TRA2A: variants seen among roughly 807,000 people sequenced by gnomAD.
TRA2A encodes transformer-2 protein homolog alpha.
Under a neutral mutation model 45.7 loss-of-function variants are expected in TRA2A, and 31 were observed. That is an observed-to-expected ratio of 0.68 (90% CI 0.51 to 0.92). The LOEUF (loss-of-function observed/expected upper bound fraction) is 0.92. Ranked by LOEUF, TRA2A falls within the 40% of genes least tolerant of loss-of-function variation. The probability of loss-of-function intolerance (pLI) is 0.00; values close to 1 mark genes in which losing one functional copy is unlikely to be tolerated. For missense variants in TRA2A, 304 were observed against 367.5 expected, an observed-to-expected ratio of 0.83 and a Z score of 1.41; for synonymous variants, 132 against 126.2, an observed-to-expected ratio of 1.05 and a Z score of -0.31.
intron 1 of TRA2A, 69 bp downstream of exon 1, chr7:23,531,720 C>T: frequency 1.3e-6 from 2 of 1,583,670 alleles, no homozygotes; most frequent in Non-Finnish European, 1.7e-6. Flanking sequence ...CCCGCCCGAC[C>T]GCGCTTGTTC....
intron 4 of TRA2A, among the ~76,000 whole-genome samples, chr7:23,512,144 T>C (rs1789652199): frequency 6.6e-6 from 1 of 152,134 alleles, no homozygotes; most frequent in Admixed American, 6.6e-5. Flanking sequence ...CCAAAAAAAG[T>C]GAAACTGTAG....
intron 1 of TRA2A, among the ~76,000 whole-genome samples, chr7:23,526,191 A>T (rs972444609): frequency 6.6e-6 from 1 of 152,222 alleles, no homozygotes; most frequent in Non-Finnish European, 1.5e-5. Flanking sequence ...CAGTCTTTTA[A>T]TATAGCCTGT....
At chr7:23,506,333 T>A (rs371001619) in intron 5 of TRA2A, 67 bp from the exon 6 acceptor site, 10 of 1,417,636 alleles carry the variant, frequency 7.1e-6, no homozygotes, top group African/African-American at 1.4e-5. Context: ...TTAATACAAA[T>A]TGAATGGCTT....
At chr7:23,530,352 G>C (rs1162895024) in intron 1 of TRA2A, among the ~76,000 whole-genome samples, 1 of 152,104 alleles carries the variant, frequency 6.6e-6, no homozygotes, top group Non-Finnish European at 1.5e-5. Context: ...AACTATTATA[G>C]TCTATTGCTT....
chr7:23,518,879 G>A (rs1790007889), intron 2 of TRA2A, among the ~76,000 whole-genome samples: 1 of 151,534 alleles, frequency 6.6e-6, no homozygotes. Context: ...TAGAGACGGG[G>A]TCTCAACATG....
chr7:23,507,204 G>A, intron 5 of TRA2A: 2 of 511,962 alleles, frequency 3.9e-6, no homozygotes, highest in Non-Finnish European at 6.9e-6. Flanking sequence ...AAGTTCAAGT[G>A]ATTCCTGTGC....
At chr7:23,514,697 G>A (rs2127994499) in intron 3 of TRA2A, among the ~76,000 whole-genome samples, 1 of 152,084 alleles carries the variant, frequency 6.6e-6, no homozygotes, top group East Asian at 1.9e-4. Flanking sequence ...TTGGGCTCAG[G>A]GAATCCTCCC....
At chr7:23,517,503 A>AAAAGAAAAAAAAAAAAAAAG in intron 2 of TRA2A, among the ~76,000 whole-genome samples, 1 of 116,206 alleles carries the variant, frequency 8.6e-6, no homozygotes, top group Non-Finnish European at 1.8e-5. Flanking sequence ...AAAAAAAAAA[A>AAAAGAAAAAAAAAAAAAAAG]AGAGAGAAAG....
At chr7:23,519,538 A>C (rs1790040681) in intron 2 of TRA2A, among the ~76,000 whole-genome samples, 1 of 152,206 alleles carries the variant, frequency 6.6e-6, no homozygotes, top group Non-Finnish European at 1.5e-5. Context: ...CCTGGGCAAG[A>C]GAGCAAGACT....
At chr7:23,513,146 A>T in intron 3 of TRA2A, 64 bp from the exon 4 acceptor site, 1 of 1,224,834 alleles carries the variant, frequency 8.2e-7, no homozygotes, top group Non-Finnish European at 1.1e-6. Context: ...ACACAGAAAT[A>T]CTTTGTTTAG....
chr7:23,515,522 A>G (rs530011450), intron 3 of TRA2A, among the ~76,000 whole-genome samples: 3 of 138,704 alleles, frequency 2.2e-5, no homozygotes, highest in South Asian at 2.3e-4. Context: ...CGGCCGGAAC[A>G]TATTTCTTCC....
chr7:23,528,894 G>C (rs1790451099), intron 1 of TRA2A, among the ~76,000 whole-genome samples: 1 of 152,008 alleles, frequency 6.6e-6, no homozygotes, highest in African/African-American at 2.4e-5. Context: ...CTGAAAAGGA[G>C]GCAATAAGAA....
intron 4 of TRA2A, among the ~76,000 whole-genome samples, chr7:23,510,519 GGTTTCACCCT>G (rs200675025): frequency 0.016 from 2,489 of 152,006 alleles, 80 homozygotes; most frequent in African/African-American, 0.057. Flanking sequence ...TAGCAGATGG[GGTTTCACCCT>G]GTTGGCCAGG....
chr7:23,512,036 A>C (rs959297025), intron 4 of TRA2A, among the ~76,000 whole-genome samples: 7 of 152,336 alleles, frequency 4.6e-5, no homozygotes, highest in African/African-American at 1.7e-4. Context: ...TTCAAAAGAG[A>C]ACACTTACAC....
intron 1 of TRA2A, among the ~76,000 whole-genome samples, chr7:23,522,865 C>A (rs1467060314): frequency 6.6e-6 from 1 of 152,024 alleles, no homozygotes; most frequent in Non-Finnish European, 1.5e-5. Context: ...GCATCCCAGG[C>A]TGAAATATTT....
At chr7:23,526,387 A>G (rs901930245) in intron 1 of TRA2A, among the ~76,000 whole-genome samples, 2 of 152,234 alleles carry the variant, frequency 1.3e-5, no homozygotes, top group African/African-American at 4.8e-5. Context: ...CAGACTTACT[A>G]AAAATGTATT....
chr7:23,528,420 A>G (rs898801970), intron 1 of TRA2A, among the ~76,000 whole-genome samples: 3 of 151,990 alleles, frequency 2.0e-5, no homozygotes, highest in Admixed American at 6.6e-5. Context: ...ATTGGCCAGG[A>G]TGGTCTCCAT....
intron 1 of TRA2A, among the ~76,000 whole-genome samples, chr7:23,525,264 G>C (rs1316034322): frequency 2.6e-5 from 4 of 152,076 alleles, no homozygotes; most frequent in African/African-American, 7.2e-5. Flanking sequence ...TTTTCTCAAA[G>C]AAATTCATAA....
chr7:23,530,531 C>A (rs1334960681), intron 1 of TRA2A, among the ~76,000 whole-genome samples: 2 of 152,206 alleles, frequency 1.3e-5, no homozygotes, highest in Non-Finnish European at 2.9e-5. Context: ...AACATCTACA[C>A]AACAGCCCGG....
Sources: allele counts gnomAD v4.1 joint callset (sites outside exome capture counted in the v4.1 genomes callset), GRCh38; gene constraint gnomAD v4.1.1; transcripts MANE v1.5; gene names NCBI Gene and HGNC (gene_info 2026-07-23, HGNC 2026-07-21).